The following METTL2A variants were observed in gnomAD, a reference collection of about 807,000 sequenced individuals.
The protein encoded by METTL2A is tRNA N(3)-cytidine methyltransferase METTL2A.
Under a neutral mutation model 49.4 loss-of-function variants are expected in METTL2A, and 45 were observed. That is an observed-to-expected ratio of 0.91 (90% CI 0.72 to 1.17). The LOEUF is 1.17. METTL2A is among the 50% of genes most tolerant of loss of function. The probability of loss-of-function intolerance (pLI) is 0.00; values close to 1 mark genes in which losing one functional copy is unlikely to be tolerated. For synonymous variants in METTL2A, 118 were observed against 167.5 expected (o/e 0.70, Z 2.28); for missense variants, 361 against 462.2 (o/e 0.78, Z 2.01).
intron 4 of METTL2A, among the ~76,000 whole-genome samples, chr17:62,428,797 G>T (rs2070645154): frequency 6.6e-6 from 1 of 152,154 alleles, no homozygotes; most frequent in Non-Finnish European, 1.5e-5. Context: ...GTTTTTTTTA[G>T]TTTTGAGACA....
chr17:62,439,208 T>G (rs1336339966), intron 5 of METTL2A, among the ~76,000 whole-genome samples: 2 of 151,822 alleles, frequency 1.3e-5, no homozygotes, highest in Non-Finnish European at 2.9e-5. Flanking sequence ...TTTGAACTCC[T>G]GACCTCAGGT....
intron 7 of METTL2A, among the ~76,000 whole-genome samples, chr17:62,446,814 G>A (rs2144158446): frequency 6.6e-6 from 1 of 152,318 alleles, no homozygotes; most frequent in South Asian, 2.1e-4. Flanking sequence ...TATTCAGTGA[G>A]AGGAGAGCAA....
In METTL2A at chr17:62,435,431, G is replaced by A. The variant is rs948054433; in HGVS notation, c.669+139G>A. ...TAAAAGTAAAAGATTTACTGATAAC[G>A]AGCATACCTTGTTTTATTGCAGTTC... On this transcript the variant is annotated intron_variant, in intron 5 of 8. Transcript: ENST00000311506. 1.8e-5 allele frequency: 22 copies of A among 1,212,420 alleles called. No individual in the cohort carries two copies. In the African/African-American group the frequency reaches 2.6e-4, roughly 14 times the overall value. The allele number at this position is 1,212,420 out of a possible 1,614,324, so 75.1% of individuals were successfully genotyped here. A position where few individuals can be genotyped will look rare whatever the true frequency, so the allele number is the denominator to read the frequency against.
At chr17:62,445,786 A>ACT (rs202052194) in intron 7 of METTL2A, among the ~76,000 whole-genome samples, 5,015 of 151,750 alleles carry the variant, frequency 0.033, 293 homozygotes, top group African/African-American at 0.11. Flanking sequence ...AACGAGTGAA[A>ACT]CTGTCTCAAG....
intron 6 of METTL2A, among the ~76,000 whole-genome samples, chr17:62,443,864 G>GT (rs1005924004): frequency 2.0e-4 from 30 of 151,642 alleles, no homozygotes; most frequent in African/African-American, 6.1e-4. Context: ...TTGTTTTTTG[G>GT]TTTTTTTTAA....
intron 6 of METTL2A, among the ~76,000 whole-genome samples, chr17:62,443,359 C>CA (rs2144153689): frequency 6.6e-6 from 1 of 152,282 alleles, no homozygotes; most frequent in East Asian, 1.9e-4. Flanking sequence ...GCCTGGGTGA[C>CA]AGAGTGAGAC....
chr17:62,446,328 T>G (rs2070768423), intron 7 of METTL2A, among the ~76,000 whole-genome samples: 1 of 147,176 alleles, frequency 6.8e-6, no homozygotes, highest in African/African-American at 2.6e-5. Flanking sequence ...TTTTTTTTTT[T>G]GAGACGGAGT....
chr17:62,445,884 C>T (rs890617454), intron 7 of METTL2A, among the ~76,000 whole-genome samples: 1 of 151,660 alleles, frequency 6.6e-6, no homozygotes, highest in Non-Finnish European at 1.5e-5. Context: ...AGGCAAATGA[C>T]GGAGTAAGAA....
Position 62,450,436 on chromosome 17 carries a change from A to G in METTL2A, c.*1707A>G, listed in dbSNP as rs530117677. On this transcript the variant is annotated 3_prime_UTR_variant, in exon 9 of 9. Transcript: ENST00000311506. ...ACCATCATGCCTAGCTAATTGTTAG[A>G]TCCTTTTTTTTTATGTTCTGCATTT... The G allele has an allele frequency of 6.6e-6, 1 of 150,814 alleles. No individual in the cohort carries two copies. The highest frequency in any genetic ancestry group is 2.4e-5 in the African/African-American group (1 of 41,000). The allele number at this position is 150,814 out of a possible 1,614,324, so 9.3% of individuals were successfully genotyped here. A position where few individuals can be genotyped will look rare whatever the true frequency, so the allele number is the denominator to read the frequency against.
chr17:62,430,574 A>G (rs575804218), intron 4 of METTL2A, among the ~76,000 whole-genome samples: 1 of 152,160 alleles, frequency 6.6e-6, no homozygotes, highest in East Asian at 1.9e-4. Flanking sequence ...CTGACTCCGT[A>G]CCTTTCCAAA....
chr17:62,435,614 T>C (rs567396439), intron 5 of METTL2A, among the ~76,000 whole-genome samples: 3 of 152,296 alleles, frequency 2.0e-5, no homozygotes, highest in African/African-American at 7.2e-5. Flanking sequence ...TTTCAGACTT[T>C]TTTACTGTTA....
At chr17:62,430,112 C>T (rs2070654859) in intron 4 of METTL2A, among the ~76,000 whole-genome samples, 1 of 152,198 alleles carries the variant, frequency 6.6e-6, no homozygotes, top group African/African-American at 2.4e-5. Flanking sequence ...TTAAGTAAAA[C>T]ATTAGCCTCA....
chr17:62,437,197 C>T (rs2070706973), intron 5 of METTL2A, among the ~76,000 whole-genome samples: 1 of 144,048 alleles, frequency 6.9e-6, no homozygotes, highest in East Asian at 2.0e-4. Context: ...AGTAGAGTGA[C>T]ACAATCATAG....
At chr17:62,433,045 T>C (rs1041459508) in intron 4 of METTL2A, among the ~76,000 whole-genome samples, 5 of 152,236 alleles carry the variant, frequency 3.3e-5, no homozygotes, top group African/African-American at 1.2e-4. Flanking sequence ...CAGGAGGATG[T>C]GTGTGGGTTG....
chr17:62,429,076 G>A (rs9906436), intron 4 of METTL2A, among the ~76,000 whole-genome samples: 5,139 of 152,106 alleles, frequency 0.034, 303 homozygotes, highest in African/African-American at 0.12. Context: ...ATAAGTCACC[G>A]TTCCCAGCCT....
At chr17:62,429,541 T>A (rs1271555503) in intron 4 of METTL2A, among the ~76,000 whole-genome samples, 2 of 152,146 alleles carry the variant, frequency 1.3e-5, no homozygotes, top group African/African-American at 4.8e-5. Context: ...TCCACCTGCC[T>A]CGGCCTCCCA....
intron 5 of METTL2A, among the ~76,000 whole-genome samples, chr17:62,437,174 T>A (rs75168124): frequency 0.091 from 13,598 of 149,062 alleles, 1,717 homozygotes; most frequent in East Asian, 0.44. Flanking sequence ...TCTCACTGTG[T>A]TGCCCAGGCT....
At chr17:62,439,463 T>G (rs1409500941) in intron 5 of METTL2A, among the ~76,000 whole-genome samples, 1 of 151,634 alleles carries the variant, frequency 6.6e-6, no homozygotes, top group Non-Finnish European at 1.5e-5. Context: ...AGACGGAGTC[T>G]CCCTCTGTCG....
At chr17:62,424,901 C>A (rs1226568079) in intron 2 of METTL2A, among the ~76,000 whole-genome samples, 2 of 151,492 alleles carry the variant, frequency 1.3e-5, no homozygotes, top group Non-Finnish European at 2.9e-5. Flanking sequence ...AAAACTAGGA[C>A]TGATTGTTCC....
Sources: gnomAD v4.1 joint callset for allele counts (sites outside exome capture counted in the v4.1 genomes callset) on GRCh38, gnomAD v4.1.1 for gene constraint, MANE v1.5 for transcripts, NCBI Gene and HGNC (gene_info 2026-07-23, HGNC 2026-07-21) for gene names.